The following RAPSN variants were observed in gnomAD, a reference collection of about 807,000 sequenced individuals.
The protein encoded by RAPSN is 43 kDa receptor-associated protein of the synapse.
RAPSN carries 33 observed loss-of-function variants against 45.7 expected under a neutral mutation model. That is an observed-to-expected ratio of 0.72 (90% CI 0.55 to 0.97). The LOEUF (loss-of-function observed/expected upper bound fraction) is 0.97. Ranked by LOEUF, RAPSN falls within the 50% of genes least tolerant of loss-of-function variation. The probability of loss-of-function intolerance (pLI) is 0.00; values close to 1 mark genes in which losing one functional copy is unlikely to be tolerated. For synonymous variants in RAPSN, 244 were observed against 233.6 expected, an observed-to-expected ratio of 1.04 and a Z score of -0.40; for missense variants, 519 against 559.4, an observed-to-expected ratio of 0.93 and a Z score of 0.73.
chr11:47,438,813 T>G lies in RAPSN; in HGVS notation c.1085A>C (p.Tyr362Ser). 6.4e-7 allele frequency: 1 copy of G among 1,573,838 alleles called. No individual in the cohort carries two copies. Among genetic ancestry groups the G allele is most frequent in the Non-Finnish European group, 8.6e-7 (1 of 1,158,652 alleles). The change falls in exon 7 of 8, where the codon TAC becomes TCC. Residue 362 changes from tyrosine to serine, a missense_variant. By Grantham distance (144) the Tyr-to-Ser change is moderately radical. Transcript: ENST00000298854. ...FHECVEETEL[Y>S]CGLCGESIGE... ...TATGGACTCGCCGCACAGGCCGCAG[T>G]AGAGCTCCGTCTCCTCCACGCACTC...
chr11:47,447,842 G>A lies in RAPSN; in HGVS notation c.501C>T (p.Cys167=). ...DDAMLECRVC[C]SLGSFYAQVK... Reference sequence around the variant, plus strand: ...CCTGGGCATAGAAGCTGCCCAGGCTGCAGCACACGCGGCACTCGAGCATGG... The same window carrying A: ...CCTGGGCATAGAAGCTGCCCAGGCTACAGCACACGCGGCACTCGAGCATGG... Residue 167 remains cysteine, a synonymous_variant, in exon 2 of 8, where the codon TGC becomes TGT. Coordinates refer to ENST00000298854, the MANE Select transcript of RAPSN (RefSeq NM_005055.5). The A allele has an allele frequency of 6.2e-7, 1 of 1,613,244 alleles. No individual in the cohort carries two copies. Among genetic ancestry groups the A allele is most frequent in the East Asian group, 2.2e-5 (1 of 44,846 alleles).
At position 47,438,724 on chromosome 11, in the gene RAPSN, GC is replaced by G; in HGVS notation, c.1166+7del. ...CCCACCCCTGTCCACCCCCCCAGGA[GC>G]CCCCACCTGAGGTGGAAGATGTGGG... On this transcript the variant is annotated splice_region_variant and intron_variant, in intron 7 of 7. Coordinates refer to ENST00000298854, the MANE Select transcript of RAPSN (RefSeq NM_005055.5). 6.4e-7 allele frequency: 1 copy of G among 1,557,794 alleles called. No homozygotes were observed. The highest frequency in any genetic ancestry group is 8.7e-7 in the Non-Finnish European group (1 of 1,148,962).
intron 7 of RAPSN, 195 bp downstream of exon 7, chr11:47,438,537 G>T: frequency 1.6e-6 from 1 of 628,574 alleles, no homozygotes; most frequent in Non-Finnish European, 2.7e-6. Flanking sequence ...TGGCCAAGAT[G>T]ATCTTGAACC....
intron 7 of RAPSN, 29 bp downstream of exon 7, chr11:47,438,703 C>A (rs747854528): frequency 9.0e-5 from 139 of 1,551,244 alleles, no homozygotes; most frequent in Non-Finnish European, 1.2e-4. Flanking sequence ...ATCCTGCCCA[C>A]CCCTGTCCAC....
In RAPSN at chr11:47,438,089, C is replaced by T. The variant is rs376725663; in HGVS notation, c.1167-42G>A. On this transcript the variant is annotated intron_variant, in intron 7 of 7. Transcript: ENST00000298854. ...CCCTGTCCACTCCCCTGAGGCCTGT[C>T]CTTCCCTCCGGGCCCTCTCTTCCTT... 1.5e-5 allele frequency: 23 copies of T among 1,546,182 alleles called. No homozygotes were observed. In the African/African-American group the frequency reaches 1.9e-4, roughly 13 times the overall value.
At chr11:47,442,588 T>A in intron 3 of RAPSN, 68 bp downstream of exon 3, 1 of 1,557,278 alleles carries the variant, frequency 6.4e-7, no homozygotes, top group Non-Finnish European at 8.8e-7. Flanking sequence ...GAAGCCCTGC[T>A]GTCCCAGGCC....
intron 2 of RAPSN, among the ~76,000 whole-genome samples, chr11:47,446,835 G>A (rs886960469): frequency 1.3e-5 from 2 of 152,168 alleles, no homozygotes; most frequent in African/African-American, 2.4e-5. Context: ...AACCCAGGAG[G>A]CGGAGGTTGC....
intron 4 of RAPSN, 24 bp downstream of exon 4, chr11:47,441,799 G>T: frequency 1.9e-6 from 1 of 531,178 alleles, no homozygotes. Context: ...CCTGCCCCCA[G>T]CCCCTGCATC....
At chr11:47,441,137 A>G (rs781106678) in intron 6 of RAPSN, 22 bp downstream of exon 6, 2 of 1,613,994 alleles carry the variant, frequency 1.2e-6, no homozygotes, top group East Asian at 2.2e-5. Context: ...CCCCAGATCC[A>G]GGACACAGAA....
intron 2 of RAPSN, among the ~76,000 whole-genome samples, chr11:47,445,050 C>T (rs952603146): frequency 2.0e-5 from 3 of 150,680 alleles, no homozygotes; most frequent in Non-Finnish European, 4.4e-5. Context: ...GGTGAAACCC[C>T]GTCTCTACTA....
rs746224664 is a variant in RAPSN, at chr11:47,441,708, G to A, written c.815C>T (p.Ala272Val). The change falls in exon 5 of 8, where the codon GCC (alanine) becomes GTC (valine). Residue 272 changes from alanine (A) to valine (V), a missense_variant. Physicochemically the swap from Ala to Val is moderately conservative, Grantham distance 64 (BLOSUM62 0). Coordinates refer to ENST00000298854, the MANE Select transcript of RAPSN (RefSeq NM_005055.5). ...TCCGATCTCGGTCATGATGCTCATG[G>A]CGGAGTCGTACCTGGGGAAGGCTGT... ...LETAFPRYDS[A>V]MSIMTEIGNR... 1.2e-6 allele frequency: 2 copies of A among 1,608,632 alleles called. No individual in the cohort carries two copies. The highest frequency in any genetic ancestry group is 1.1e-5 in the South Asian group (1 of 91,050).
In RAPSN at chr11:47,438,771, C is replaced by T. The variant is rs1241928450; in HGVS notation, c.1127G>A (p.Arg376Gln). Residue 376 changes from arginine (R) to glutamine (Q), a missense_variant, in exon 7 of 8, where the codon CGG (arginine) becomes CAG (glutamine). Transcript: ENST00000298854. The part of the protein sequence containing the change: ...CGESIGEKNS[R>Q]LQALPCSHIF... ...GTGGGAGCAAGGTAGGGCCTGCAGC[C>T]GGCTGTTCTTCTCGCCTATGGACTC... 23 of 1,565,380 alleles carry T rather than the reference C, an allele frequency of 1.5e-5. No individual in the cohort carries two copies. The highest frequency in any genetic ancestry group is 1.7e-4 in the Middle Eastern group (1 of 5,988).
In RAPSN at chr11:47,447,946, A is replaced by G; in HGVS notation, c.397T>C (p.Phe133Leu). The G allele has an allele frequency of 6.2e-7, 1 of 1,613,728 alleles. No homozygotes were observed. Residue 133 changes from phenylalanine to leucine, a missense_variant, in exon 2 of 8, where the codon TTC becomes CTC. Transcript: ENST00000298854. ...GQVSLSMGNA[F>L]LGLSVFQKAL... ...TTCTGGAAGACGCTGAGGCCCAGGA[A>G]GGCATTGCCCATGCTCAGGCTGACC...
Position 47,437,945 on chromosome 11 carries a change from G to A in RAPSN, c.*30C>T, listed in dbSNP as rs757384978. On this transcript the variant is annotated 3_prime_UTR_variant, in exon 8 of 8. Coordinates refer to ENST00000298854, the MANE Select transcript of RAPSN (RefSeq NM_005055.5). ...GCAGTGGAGAAAGAGCAGGAGTGGCGAGGAGGAAGCCCACGCCTGCTGCCA... is the reference window on the plus strand; with the variant it reads ...GCAGTGGAGAAAGAGCAGGAGTGGCAAGGAGGAAGCCCACGCCTGCTGCCA... The A allele has an allele frequency of 2.5e-5, 38 of 1,550,624 alleles. No individual in the cohort carries two copies. The highest frequency in any genetic ancestry group is 1.5e-4 in the South Asian group (13 of 84,038).
intron 3 of RAPSN, 119 bp downstream of exon 3, chr11:47,442,537 G>T: frequency 8.4e-7 from 1 of 1,187,206 alleles, no homozygotes. Flanking sequence ...CTGGGCCAGA[G>T]GCAAGCCCTA....
chr11:47,447,932 G>A lies in RAPSN; in HGVS notation c.411C>T (p.Ser137=), dbSNP rs765810820. The A allele has an allele frequency of 6.8e-6, 11 of 1,613,284 alleles. No homozygotes were observed. The East Asian group carries it at 1.1e-4, about 16-fold the overall frequency. ...LSMGNAFLGL[S]VFQKALESFE... ...AGCTCTCCAGGGCCTTCTGGAAGAC[G>A]CTGAGGCCCAGGAAGGCATTGCCCA... The change falls in exon 2 of 8, where the codon AGC becomes AGT. Residue 137 remains serine (S), a synonymous_variant. Coordinates refer to ENST00000298854, the MANE Select transcript of RAPSN (RefSeq NM_005055.5).
intron 2 of RAPSN, among the ~76,000 whole-genome samples, chr11:47,445,320 G>A (rs1452319030): frequency 6.6e-6 from 1 of 151,530 alleles, no homozygotes; most frequent in Non-Finnish European, 1.5e-5. Flanking sequence ...AACAAGGCTG[G>A]GCACAGTGGC....
Position 47,438,725 on chromosome 11 carries a change from C to A in RAPSN, c.1166+7G>T, listed in dbSNP as rs1395269562. On this transcript the variant is annotated splice_region_variant and intron_variant, in intron 7 of 7. Coordinates refer to ENST00000298854, the MANE Select transcript of RAPSN (RefSeq NM_005055.5). Reference sequence around the variant, plus strand: ...CCACCCCTGTCCACCCCCCCAGGAGCCCCCACCTGAGGTGGAAGATGTGGG... The same window carrying A: ...CCACCCCTGTCCACCCCCCCAGGAGACCCCACCTGAGGTGGAAGATGTGGG... 4.5e-6 allele frequency: 7 copies of A among 1,557,918 alleles called. No individual in the cohort carries two copies. The highest frequency in any genetic ancestry group is 6.1e-6 in the Non-Finnish European group (7 of 1,148,994).
At chr11:47,448,309 T>C (rs989045088) in intron 1 of RAPSN, among the ~76,000 whole-genome samples, 159 bp from the exon 2 acceptor site, 3 of 151,664 alleles carry the variant, frequency 2.0e-5, no homozygotes, top group Non-Finnish European at 4.4e-5. Context: ...CCAGAGCTTC[T>C]ACCCGCCAGC....
Sources: gnomAD v4.1 joint callset for allele counts (sites outside exome capture counted in the v4.1 genomes callset) on GRCh38, gnomAD v4.1.1 for gene constraint, MANE v1.5 for transcripts, NCBI Gene and HGNC (gene_info 2026-07-23, HGNC 2026-07-21) for gene names.